The following PHKA2 variants were observed in gnomAD, a reference collection of about 807,000 sequenced individuals.
PHKA2 encodes phosphorylase b kinase regulatory subunit alpha, liver isoform.
A neutral mutation model predicts 102.0 loss-of-function variants in PHKA2; 31 were observed. The observed-to-expected ratio is 0.30, with a 90% CI of 0.23 to 0.41. The LOEUF is 0.41. PHKA2 is among the 10% of genes least tolerant of loss of function. The probability of loss-of-function intolerance (pLI) is 1.00; values close to 1 mark genes in which losing one functional copy is unlikely to be tolerated. For synonymous variants in PHKA2, 455 were observed against 416.2 expected, an observed-to-expected ratio of 1.09 and a Z score of -1.13; for missense variants, 858 against 1,023.1, an observed-to-expected ratio of 0.84 and a Z score of 2.20.
At chrX:18,973,225 A>T (rs918899421) in intron 1 of PHKA2, among the ~76,000 whole-genome samples, 2 of 111,301 alleles carry the variant, frequency 1.8e-5, no homozygotes, top group Non-Finnish European at 3.8e-5. Flanking sequence ...GGCTGGTCTC[A>T]AACTCCTGAC....
In PHKA2 at chrX:18,893,201, T is replaced by TC; in HGVS notation, c.*283dup. The TC allele has an allele frequency of 1.0e-5, 4 of 385,823 alleles. No homozygotes were observed. The highest frequency in any genetic ancestry group is 1.8e-5 in the Non-Finnish European group (4 of 218,371). 31.8% of individuals were successfully genotyped at this position (385,823 alleles called of 1,213,427 possible). A position where few individuals can be genotyped will look rare whatever the true frequency, so the allele number is the denominator to read the frequency against. The stretch of plus-strand genomic sequence containing the variant: ...AAAGAGACCAATTTCCAATTCCTCC[T>TC]CAGAGTCCGTGAGACCAGATGCTAC... On this transcript the variant is annotated 3_prime_UTR_variant, in exon 33 of 33. Transcript: ENST00000379942.
chrX:18,895,111 C>A (rs1372262915), intron 31 of PHKA2, 27 bp downstream of exon 31: 8 of 1,194,086 alleles, frequency 6.7e-6, no homozygotes, highest in Non-Finnish European at 9.1e-6. Flanking sequence ...CACAGAGGGG[C>A]CCGCCTCTGC....
intron 26 of PHKA2, among the ~76,000 whole-genome samples, 197 bp downstream of exon 26, chrX:18,905,561 G>C (rs1442274543): frequency 9.0e-6 from 1 of 111,462 alleles, no homozygotes; most frequent in African/African-American, 3.3e-5. Flanking sequence ...ACCTGGGCAA[G>C]AAAAGCTCGC....
chrX:18,910,912 G>A lies in PHKA2; in HGVS notation c.2186C>T (p.Ser729Leu). The A allele has an allele frequency of 8.4e-7, 1 of 1,194,989 alleles. No individual in the cohort carries two copies. Among genetic ancestry groups the A allele is most frequent in the South Asian group, 1.8e-5 (1 of 56,618 alleles). ...PTKVLSAHRK[S>L]LNLVDSPQPL... ...CTGAGGAGAATCAACAAGATTCAGT[G>A]ATTTACGGTGGGCACTTAGAACTTT... Residue 729 changes from serine (S) to leucine (L), a missense_variant, in exon 20 of 33, where the codon TCA becomes TTA. Coordinates refer to ENST00000379942, the MANE Select transcript of PHKA2 (RefSeq NM_000292.3).
chrX:18,899,421 GACTC>G (rs1214419938), intron 28 of PHKA2, among the ~76,000 whole-genome samples, 195 bp from the exon 29 acceptor site: 1 of 112,524 alleles, frequency 8.9e-6, no homozygotes, highest in African/African-American at 3.2e-5. Flanking sequence ...TCTGGGCTTC[GACTC>G]CACGTGAAAC....
At position 18,918,829 on chromosome X, in the gene PHKA2, A is replaced by G. The variant is rs770108234; in HGVS notation, c.1989T>C (p.Tyr663=). 1.7e-5 allele frequency: 20 copies of G among 1,209,518 alleles called. No homozygotes were observed. The African/African-American group carries it at 1.9e-4, about 12-fold the overall frequency. Residue 663 remains tyrosine (Y), a synonymous_variant, in exon 19 of 33, where the codon TAT becomes TAC. Transcript: ENST00000379942. The stretch of plus-strand genomic sequence containing the variant: ...ATGTGCTTTGCAGAAGGTGGTTGAT[A>G]TAATGGTCAAGTTCGTCTTGGCTTT... ...NQESQDELDH[Y]INHLLQSTSL...
chrX:18,912,443 G>A (rs2047942330), intron 19 of PHKA2, among the ~76,000 whole-genome samples: 1 of 111,201 alleles, frequency 9.0e-6, no homozygotes, highest in Non-Finnish European at 1.9e-5. Flanking sequence ...AATAGTATTT[G>A]TGTGTCTAAA....
intron 1 of PHKA2, among the ~76,000 whole-genome samples, chrX:18,976,682 GA>G (rs1326414835): frequency 9.0e-6 from 1 of 111,112 alleles, no homozygotes; most frequent in Non-Finnish European, 1.9e-5. Flanking sequence ...TATGTACAGG[GA>G]AAAAACACAG....
chrX:18,947,607 C>G (rs978820954), intron 5 of PHKA2, among the ~76,000 whole-genome samples: 18 of 112,300 alleles, frequency 1.6e-4, no homozygotes, highest in Admixed American at 1.5e-3. Flanking sequence ...TTATTTCAAA[C>G]AAGCATAATG....
intron 1 of PHKA2, among the ~76,000 whole-genome samples, chrX:18,961,369 G>A (rs1022156828): frequency 5.4e-5 from 6 of 111,721 alleles, no homozygotes; most frequent in Admixed American, 9.5e-5. Flanking sequence ...ACTTAAGAAT[G>A]CTCATTTTGG....
chrX:18,949,246 C>T (rs768521396), intron 4 of PHKA2, among the ~76,000 whole-genome samples: 3 of 111,326 alleles, frequency 2.7e-5, no homozygotes, highest in Non-Finnish European at 5.7e-5. Context: ...ACAGGGAGTC[C>T]CCAGCTCCAG....
chrX:18,897,518 G>A (rs1601694905), intron 29 of PHKA2, 185 bp from the exon 30 acceptor site: 1 of 454,288 alleles, frequency 2.2e-6, no homozygotes, highest in East Asian at 3.7e-5. Context: ...CATACTTTGG[G>A]TTGATCACTT....
At chrX:18,907,851 G>T (rs2047849170) in intron 22 of PHKA2, 49 bp downstream of exon 22, 17 of 1,165,344 alleles carry the variant, frequency 1.5e-5, no homozygotes, top group Non-Finnish European at 1.8e-5. Flanking sequence ...AAGAGGAAGG[G>T]GGCACGAGCT....
intron 20 of PHKA2, 130 bp from the exon 21 acceptor site, chrX:18,909,064 TG>T (rs1398523367): frequency 2.4e-6 from 2 of 821,733 alleles, no homozygotes; most frequent in East Asian, 6.4e-5. Flanking sequence ...AATGACTTTT[TG>T]TACCTCTTTA....
rs199993455 is a variant in PHKA2 at position 18,957,741 on chromosome X, TA to T, written c.79-3330del. Among the ~76,000 whole-genome samples, 598 of 102,096 alleles carry T rather than the reference TA, an allele frequency of 5.9e-3. 11 individuals are homozygous for T. The highest frequency in any genetic ancestry group is 0.021 in the African/African-American group (564 of 27,368). 88.7% of individuals were successfully genotyped at this position (102,096 alleles called of 115,157 possible). ...CCTATGTGTTACTAAAACCAGATTA[TA>T]TATATATATATATATATAATTGTAC... On this transcript the variant is annotated intron_variant, in intron 1 of 32. Coordinates refer to ENST00000379942, the MANE Select transcript of PHKA2 (RefSeq NM_000292.3).
chrX:18,892,337 G>A lies in PHKA2; in HGVS notation c.*1148C>T, dbSNP rs763041434. The A allele has an allele frequency of 2.7e-5, 3 of 112,729 alleles. No homozygotes were observed. The highest frequency in any genetic ancestry group is 9.3e-5 in the Admixed American group (1 of 10,712). The allele number at this position is 112,729 out of a possible 1,213,427, so 9.3% of individuals were successfully genotyped here. On this transcript the variant is annotated 3_prime_UTR_variant, in exon 33 of 33. Transcript: ENST00000379942. ...TCAAGGTTTATTATTTACAGAAACTGTTTTCCCATTGGTTTTGTTTCCTTC... is the reference window on the plus strand; with the variant it reads ...TCAAGGTTTATTATTTACAGAAACTATTTTCCCATTGGTTTTGTTTCCTTC...
chrX:18,976,156 G>C (rs57579904), intron 1 of PHKA2, among the ~76,000 whole-genome samples: 3 of 108,873 alleles, frequency 2.8e-5, no homozygotes, highest in Non-Finnish European at 5.7e-5. Flanking sequence ...TGAATTTTTA[G>C]TAGAGACGGG....
At chrX:18,935,367 T>C (rs1202900806) in intron 11 of PHKA2, among the ~76,000 whole-genome samples, 2 of 111,938 alleles carry the variant, frequency 1.8e-5, no homozygotes, top group Non-Finnish European at 1.9e-5. Context: ...GCAAACTGCT[T>C]GAATCAAAGG....
Position 18,924,384 on chromosome X carries a change from G to T in PHKA2, c.1711C>A (p.Leu571Ile). The stretch of plus-strand genomic sequence containing the variant: ...CTGCTGAAATCCCTGGAGTTACTGA[G>T]CATGGTGCGACTGATGGGGAAGGTG... ...TLTFPISRTM[L>I]TNDGSDIHSA... The change falls in exon 16 of 33, where the codon CTC becomes ATC. Residue 571 changes from leucine (L) to isoleucine (I), a missense_variant. Around this residue, in one of 2 missense-constraint regions of PHKA2, gnomAD observed 671 missense variants for 745.2 expected, o/e 0.90. Coordinates refer to ENST00000379942, the MANE Select transcript of PHKA2 (RefSeq NM_000292.3). The T allele has an allele frequency of 8.3e-7, 1 of 1,210,817 alleles. No individual in the cohort carries two copies. The highest frequency in any genetic ancestry group is 1.1e-6 in the Non-Finnish European group (1 of 895,098).
Sources: gnomAD v4.1 joint callset for allele counts (sites outside exome capture counted in the v4.1 genomes callset) on GRCh38, gnomAD v4.1.1 for gene constraint, gnomAD v4.1.1 regional missense constraint, MANE v1.5 for transcripts, NCBI Gene and HGNC (gene_info 2026-07-23, HGNC 2026-07-21) for gene names.